The following RAI14 variants were observed in gnomAD, a reference collection of about 807,000 sequenced individuals.
RAI14 encodes the protein ankycorbin.
In RAI14, 45 loss-of-function variants were observed where a neutral mutation model predicts 115.4. The observed-to-expected ratio is 0.39, with a 90% CI of 0.31 to 0.50. The LOEUF is 0.50. Ranked by LOEUF, RAI14 falls within the 20% of genes least tolerant of loss-of-function variation. RAI14 has a pLI of 0.85. For missense variants in RAI14, 939 were observed against 1,131.2 expected (o/e 0.83, Z 2.44); for synonymous variants, 371 against 415.4 (o/e 0.89, Z 1.30).
At chr5:34,683,433 T>TAAAA (rs113838230) in intron 1 of RAI14, among the ~76,000 whole-genome samples, 17 of 143,344 alleles carry the variant, frequency 1.2e-4, no homozygotes, top group African/African-American at 4.3e-4. Flanking sequence ...ACTGCATGCT[T>TAAAA]AAAAAAAAAA....
chr5:34,691,886 C>T (rs1201365246), intron 2 of RAI14, among the ~76,000 whole-genome samples: 1 of 152,094 alleles, frequency 6.6e-6, no homozygotes, highest in African/African-American at 2.4e-5. Flanking sequence ...AGCTTTCAGC[C>T]AAGGAAATGC....
At chr5:34,736,474 T>C (rs1181818248) in intron 2 of RAI14, among the ~76,000 whole-genome samples, 1 of 152,178 alleles carries the variant, frequency 6.6e-6, no homozygotes, top group Non-Finnish European at 1.5e-5. Flanking sequence ...TCCATAGTTA[T>C]GGAAATGCTT....
intron 2 of RAI14, among the ~76,000 whole-genome samples, chr5:34,711,628 T>C (rs541345720): frequency 6.6e-6 from 1 of 152,316 alleles, no homozygotes; most frequent in South Asian, 2.1e-4. Flanking sequence ...ATTGCCCTTA[T>C]TAAAAAGGCC....
intron 3 of RAI14, among the ~76,000 whole-genome samples, chr5:34,765,009 G>A (rs1465242694): frequency 2.6e-5 from 4 of 152,112 alleles, no homozygotes; most frequent in Non-Finnish European, 5.9e-5. Flanking sequence ...GAGATCTGAT[G>A]ATTTTAGTAG....
intron 2 of RAI14, chr5:34,716,770 C>T (rs1314780672): frequency 6.6e-6 from 1 of 152,226 alleles, no homozygotes; most frequent in Admixed American, 6.5e-5. Context: ...TCTTTTCACT[C>T]TTTTCTCCTG....
At chr5:34,698,190 TCC>T (rs1291226381) in intron 2 of RAI14, among the ~76,000 whole-genome samples, 9 of 8,056 alleles carry the variant, frequency 1.1e-3, no homozygotes, top group East Asian at 8.9e-3. Context: ...CCTCCTCCCT[TCC>T]CCTCCCTCTC....
chr5:34,757,178 G>A (rs1747998424), intron 2 of RAI14: 1 of 461,414 alleles, frequency 2.2e-6, no homozygotes. Context: ...TGGCCTTGAG[G>A]TCTTTTTACG....
chr5:34,822,681 T>TC (rs1276928790), intron 14 of RAI14, among the ~76,000 whole-genome samples: 3 of 87,812 alleles, frequency 3.4e-5, no homozygotes, highest in Non-Finnish European at 6.2e-5. Context: ...TTTTTTTTTT[T>TC]TTTTTTTTTT....
At chr5:34,664,331 T>A (rs1307712923) in intron 1 of RAI14, among the ~76,000 whole-genome samples, 3 of 135,408 alleles carry the variant, frequency 2.2e-5, no homozygotes, top group East Asian at 2.1e-4. Flanking sequence ...ATATCTACTT[T>A]AAAAAAAAAA....
intron 16 of RAI14, among the ~76,000 whole-genome samples, chr5:34,829,176 CAT>C (rs902800177): frequency 1.5e-4 from 13 of 87,272 alleles, no homozygotes; most frequent in South Asian, 4.3e-4. Context: ...CACACACACA[CAT>C]ACACACACAC....
intron 3 of RAI14, among the ~76,000 whole-genome samples, chr5:34,779,280 A>G (rs1751297431): frequency 6.6e-6 from 1 of 152,184 alleles, no homozygotes; most frequent in Admixed American, 6.5e-5. Flanking sequence ...TGAATGGGCA[A>G]AAACTGGAAG....
chr5:34,661,579 A>G lies in RAI14; in HGVS notation c.-49+5104A>G, dbSNP rs538692379. Among the ~76,000 whole-genome samples, 13 of 152,240 alleles carry G rather than the reference A, an allele frequency of 8.5e-5. No individual in the cohort carries two copies. In the South Asian group the frequency reaches 1.9e-3, roughly 22 times the overall value. ...TAGGGAAACCACTCCTTTTAAATCTATGTGATTTATCCTATAAGCCACTTA... is the reference window on the plus strand; with the variant it reads ...TAGGGAAACCACTCCTTTTAAATCTGTGTGATTTATCCTATAAGCCACTTA... On this transcript the variant is annotated intron_variant, in intron 1 of 17. Transcript: ENST00000265109.
intron 16 of RAI14, among the ~76,000 whole-genome samples, chr5:34,826,976 C>T (rs1167042834): frequency 2.6e-5 from 4 of 152,196 alleles, no homozygotes; most frequent in Non-Finnish European, 5.9e-5. Context: ...TGGTTTAAAA[C>T]AACATGAGTG....
At chr5:34,802,909 CCATTCAGGGCTGGAGTA>C (rs1343925830) in intron 4 of RAI14, among the ~76,000 whole-genome samples, 2 of 152,104 alleles carry the variant, frequency 1.3e-5, no homozygotes, top group Non-Finnish European at 2.9e-5. Context: ...CAGGTAATTT[CCATTCAGGGCTGGAGTA>C]CATTGAGAGG....
intron 4 of RAI14, among the ~76,000 whole-genome samples, chr5:34,800,785 A>C (rs6885422): frequency 0.27 from 40,486 of 152,138 alleles, 6,171 homozygotes; most frequent in Non-Finnish European, 0.35. Context: ...TACATCTCCC[A>C]ACCATCTTGT....
chr5:34,666,420 C>A (rs1351635917), intron 1 of RAI14, among the ~76,000 whole-genome samples: 2 of 152,174 alleles, frequency 1.3e-5, no homozygotes, highest in Admixed American at 1.3e-4. Flanking sequence ...TGGCTCTTCA[C>A]TTTGCCTTTT....
chr5:34,755,433 G>T (rs1004971689), intron 2 of RAI14, among the ~76,000 whole-genome samples: 1 of 152,144 alleles, frequency 6.6e-6, no homozygotes, highest in African/African-American at 2.4e-5. Flanking sequence ...AACGTCACGT[G>T]AAGTCTCGAG....
chr5:34,660,666 G>A (rs1000185353), intron 1 of RAI14, among the ~76,000 whole-genome samples: 1 of 152,060 alleles, frequency 6.6e-6, no homozygotes, highest in African/African-American at 2.4e-5. Context: ...CTGTGAAAAT[G>A]TTGCTGTGTT....
At chr5:34,789,073 G>T (rs10521017) in intron 3 of RAI14, among the ~76,000 whole-genome samples, 33,602 of 152,062 alleles carry the variant, frequency 0.22, 5,044 homozygotes, top group Non-Finnish European at 0.31. Flanking sequence ...ATTTAGAGTT[G>T]CCAGCTATCC....
Sources: allele counts gnomAD v4.1 joint callset (sites outside exome capture counted in the v4.1 genomes callset), GRCh38; gene constraint gnomAD v4.1.1; transcripts MANE v1.5; gene names NCBI Gene and HGNC (gene_info 2026-07-23, HGNC 2026-07-21).